The following SAMM50 variants were observed in gnomAD, a reference collection of about 807,000 sequenced individuals.
SAMM50 encodes the protein SAMM50 sorting and assembly machinery component.
Under a neutral mutation model 66.9 loss-of-function variants are expected in SAMM50, and 47 were observed. That is an observed-to-expected ratio of 0.70 (90% CI 0.56 to 0.90). The LOEUF is 0.90. Among genes scored for constraint, SAMM50 ranks in the 40% least tolerant of loss-of-function variants. The pLI is 0.00. For missense variants in SAMM50, 535 were observed against 595.3 expected (o/e 0.90, Z 1.05); for synonymous variants, 191 against 214.1 (o/e 0.89, Z 0.94).
At chr22:43,963,948 C>A (rs2050160239) in intron 2 of SAMM50, among the ~76,000 whole-genome samples, 1 of 149,738 alleles carries the variant, frequency 6.7e-6, no homozygotes, top group Non-Finnish European at 1.5e-5. Flanking sequence ...CACTCTGTCA[C>A]CCAGGCTGGA....
At chr22:43,963,208 C>A in intron 1 of SAMM50, 78 bp from the exon 2 acceptor site, 1 of 873,940 alleles carries the variant, frequency 1.1e-6, no homozygotes. Flanking sequence ...GCAGCACCAT[C>A]TAAAGACAAA....
At chr22:43,963,835 C>T (rs62228005) in intron 2 of SAMM50, among the ~76,000 whole-genome samples, 18,835 of 152,052 alleles carry the variant, frequency 0.12, 1,245 homozygotes, top group South Asian at 0.22. Flanking sequence ...CAGTTTGAGT[C>T]AGCATTTATT....
chr22:43,955,637 G>A (rs1462427681), intron 1 of SAMM50, 39 bp downstream of exon 1: 2 of 1,561,980 alleles, frequency 1.3e-6, no homozygotes, highest in African/African-American at 2.7e-5. Context: ...GAGGCCTCTG[G>A]GCCAGCAGGG....
intron 3 of SAMM50, among the ~76,000 whole-genome samples, chr22:43,965,780 A>G (rs1456116273): frequency 6.6e-6 from 1 of 151,994 alleles, no homozygotes; most frequent in East Asian, 1.9e-4. Flanking sequence ...ACATCAGTAC[A>G]TACCAGTCTG....
At chr22:43,959,944 G>A (rs948048840) in intron 1 of SAMM50, among the ~76,000 whole-genome samples, 20 of 152,122 alleles carry the variant, frequency 1.3e-4, no homozygotes, top group Non-Finnish European at 2.6e-4. Context: ...AGGTATAAGA[G>A]GTTGTAACTG....
chr22:43,973,160 TAA>T (rs2050212690), intron 6 of SAMM50, 74 bp from the exon 7 acceptor site: 1 of 1,327,742 alleles, frequency 7.5e-7, no homozygotes, highest in Non-Finnish European at 1.1e-6. Flanking sequence ...GGCGTAGTGT[TAA>T]GTCTGTTGAT....
At chr22:43,960,428 C>A (rs1175353910) in intron 1 of SAMM50, among the ~76,000 whole-genome samples, 2 of 151,984 alleles carry the variant, frequency 1.3e-5, no homozygotes, top group Non-Finnish European at 2.9e-5. Context: ...GGTGCCAGGG[C>A]AGATAAAAAT....
At chr22:43,990,149 T>C in intron 13 of SAMM50, 116 bp from the exon 14 acceptor site, 1 of 1,221,362 alleles carries the variant, frequency 8.2e-7, no homozygotes, top group Non-Finnish European at 1.2e-6. Flanking sequence ...TCTCTAGGCC[T>C]GGCTTTAAAA....
At chr22:43,986,333 C>T (rs2050293816) in intron 12 of SAMM50, 2 of 152,042 alleles carry the variant, frequency 1.3e-5, no homozygotes, top group African/African-American at 4.8e-5. Context: ...AGCCAGCACG[C>T]CTGGCCAAGT....
intron 11 of SAMM50, among the ~76,000 whole-genome samples, chr22:43,981,958 C>T (rs1373254946): frequency 6.6e-6 from 1 of 151,946 alleles, no homozygotes; most frequent in Non-Finnish European, 1.5e-5. Context: ...ATTTTATTTT[C>T]TGTGGTATTA....
At chr22:43,973,835 A>ACTCCCGAC (rs2050217144) in intron 7 of SAMM50, among the ~76,000 whole-genome samples, 1 of 151,760 alleles carries the variant, frequency 6.6e-6, no homozygotes, top group Non-Finnish European at 1.5e-5. Context: ...CTGGTCTCGA[A>ACTCCCGAC]CTCCCGACCT....
chr22:43,968,432 A>C (rs577588133), intron 3 of SAMM50, among the ~76,000 whole-genome samples: 1 of 152,246 alleles, frequency 6.6e-6, no homozygotes, highest in South Asian at 2.1e-4. Flanking sequence ...CTTCCAGCAC[A>C]ACGTTCTAGA....
At chr22:43,959,662 T>C (rs1569023683) in intron 1 of SAMM50, among the ~76,000 whole-genome samples, 1 of 152,088 alleles carries the variant, frequency 6.6e-6, no homozygotes, top group Non-Finnish European at 1.5e-5. Context: ...CATGAGCTAC[T>C]GTGCCTAGCC....
chr22:43,983,279 T>G lies in SAMM50; in HGVS notation c.1008-654T>G, dbSNP rs956561474. Among the ~76,000 whole-genome samples the G allele has an allele frequency of 2.6e-5, 4 of 152,226 alleles. No individual in the cohort carries two copies. The highest frequency in any genetic ancestry group is 9.6e-5 in the African/African-American group (4 of 41,458). ...TTCTCTTGTCATTTAAATTCATTTT[T>G]TAGTAATTATCATAATCTAAAATCG... On this transcript the variant is annotated intron_variant, in intron 11 of 14. Coordinates refer to ENST00000350028, the MANE Select transcript of SAMM50 (RefSeq NM_015380.5). This position sits in a 1 kb window ranked among gnomAD's most constrained non-coding sequence, Gnocchi z 4.2.
intron 10 of SAMM50, among the ~76,000 whole-genome samples, chr22:43,980,247 A>G (rs1304110607): frequency 4.6e-5 from 5 of 108,420 alleles, no homozygotes; most frequent in Admixed American, 2.2e-4. Flanking sequence ...CACTAAGAAT[A>G]TATCAGTGAA....
At chr22:43,976,451 C>T (rs2073086) in intron 8 of SAMM50, among the ~76,000 whole-genome samples, 60,741 of 152,052 alleles carry the variant, frequency 0.4, 13,777 homozygotes, top group African/African-American at 0.62. Flanking sequence ...CAGGCTGAGC[C>T]GACTGAGGCC....
chr22:43,966,531 G>C (rs1166209117), intron 3 of SAMM50, among the ~76,000 whole-genome samples: 21 of 151,974 alleles, frequency 1.4e-4, no homozygotes, highest in Admixed American at 9.8e-4. Context: ...CTAATTTTTT[G>C]TATTGTTAGT....
intron 1 of SAMM50, among the ~76,000 whole-genome samples, chr22:43,959,804 A>G (rs2050139359): frequency 6.6e-6 from 1 of 152,180 alleles, no homozygotes; most frequent in Non-Finnish European, 1.5e-5. Context: ...GGATCTTAAT[A>G]TTTGGTGAAT....
At chr22:43,957,404 A>G in intron 1 of SAMM50, 1 of 382,464 alleles carries the variant, frequency 2.6e-6, no homozygotes, top group Non-Finnish European at 4.8e-6. Flanking sequence ...AAAAAAAGGC[A>G]ACTTGATTAA....
Sources: allele counts gnomAD v4.1 joint callset (sites outside exome capture counted in the v4.1 genomes callset), GRCh38; gene constraint gnomAD v4.1.1; non-coding constraint Gnocchi (gnomAD v3.1); transcripts MANE v1.5; gene names NCBI Gene and HGNC (gene_info 2026-07-23, HGNC 2026-07-21).